The following SDK1 variants were observed in gnomAD, a reference collection of about 807,000 sequenced individuals.
SDK1 encodes protein sidekick-1.
Under a neutral mutation model 245.5 loss-of-function variants are expected in SDK1, and 157 were observed. That is an observed-to-expected ratio of 0.64 (90% CI 0.56 to 0.73). The LOEUF is 0.73. SDK1 is among the 30% of genes least tolerant of loss of function. SDK1 has a pLI of 0.00. For missense variants in SDK1, 3,583 were observed against 3,002.3 expected (o/e 1.19, Z -4.52); for synonymous variants, 1,647 against 1,278.5 (o/e 1.29, Z -6.15).
chr7:3,722,451 C>G (rs969854595), intron 4 of SDK1, among the ~76,000 whole-genome samples: 6 of 152,134 alleles, frequency 3.9e-5, no homozygotes, highest in African/African-American at 1.4e-4. Context: ...GGGAAGCTTG[C>G]AGGGCTGCGG....
intron 4 of SDK1, among the ~76,000 whole-genome samples, chr7:3,725,577 T>C (rs1778983034): frequency 6.6e-6 from 1 of 152,188 alleles, no homozygotes; most frequent in African/African-American, 2.4e-5. Context: ...CTTGCCACTC[T>C]TTGGCGCTCT....
intron 5 of SDK1, among the ~76,000 whole-genome samples, chr7:3,882,961 C>T (rs1223137501): frequency 6.6e-6 from 1 of 152,186 alleles, no homozygotes; most frequent in Non-Finnish European, 1.5e-5. Context: ...ACATTTGCCC[C>T]GTTTCCATAG....
chr7:3,678,939 A>G lies in SDK1; in HGVS notation c.713+36834A>G, dbSNP rs143935994. On this transcript the variant is annotated intron_variant, in intron 4 of 44. Coordinates refer to ENST00000404826, the MANE Select transcript of SDK1 (RefSeq NM_152744.4). ...ATCTTTAAAAAAACTTAAATGAACAACAACAACAAAATGACAAAACATACG... is the reference window on the plus strand; with the variant it reads ...ATCTTTAAAAAAACTTAAATGAACAGCAACAACAAAATGACAAAACATACG... Among the ~76,000 whole-genome samples, 609 of 152,340 alleles carry G rather than the reference A, an allele frequency of 4.0e-3. 6 individuals are homozygous for G. Among genetic ancestry groups the G allele is most frequent in the African/African-American group, 0.014 (569 of 41,570 alleles).
chr7:3,392,660 T>C (rs1781787209), intron 1 of SDK1, among the ~76,000 whole-genome samples: 1 of 152,168 alleles, frequency 6.6e-6, no homozygotes, highest in African/African-American at 2.4e-5. Flanking sequence ...CCTTTTTGTC[T>C]TTATGAATTT....
intron 1 of SDK1, among the ~76,000 whole-genome samples, chr7:3,316,600 A>G (rs540433139): frequency 3.3e-5 from 5 of 152,330 alleles, no homozygotes; most frequent in Admixed American, 2.6e-4. Flanking sequence ...GTAGGCAACA[A>G]TTGGGTAGTG....
chr7:3,858,851 G>T (rs1472754135), intron 5 of SDK1, among the ~76,000 whole-genome samples: 1 of 143,128 alleles, frequency 7.0e-6, no homozygotes, highest in Admixed American at 7.1e-5. Context: ...CTAAAACCTT[G>T]TATTTTTCTT....
chr7:3,514,273 A>G (rs972155171), intron 1 of SDK1, among the ~76,000 whole-genome samples: 1 of 152,206 alleles, frequency 6.6e-6, no homozygotes, highest in African/African-American at 2.4e-5. Context: ...TATGTTGTAC[A>G]GTCTCCTGTT....
chr7:3,332,910 C>T (rs1018605574), intron 1 of SDK1, among the ~76,000 whole-genome samples: 3 of 152,172 alleles, frequency 2.0e-5, no homozygotes, highest in Non-Finnish European at 2.9e-5. Context: ...ATTCAGCTTA[C>T]CACTTTGACA....
chr7:4,091,086 C>G (rs745311585), intron 22 of SDK1, among the ~76,000 whole-genome samples: 2 of 152,074 alleles, frequency 1.3e-5, no homozygotes, highest in Non-Finnish European at 2.9e-5. Context: ...TCACTGCTGC[C>G]CTTAAAATTT....
chr7:3,304,790 C>G (rs903289176), intron 1 of SDK1, among the ~76,000 whole-genome samples: 2 of 152,200 alleles, frequency 1.3e-5, no homozygotes, highest in African/African-American at 4.8e-5. Flanking sequence ...TGGAAACTCT[C>G]TAGCCCAGTG....
chr7:3,775,575 C>CTTT (rs557596485), intron 4 of SDK1, among the ~76,000 whole-genome samples: 1 of 138,658 alleles, frequency 7.2e-6, no homozygotes, highest in African/African-American at 2.7e-5. Flanking sequence ...CTTTTTTTTT[C>CTTT]TTTTTTTTTT....
intron 1 of SDK1, among the ~76,000 whole-genome samples, chr7:3,592,739 T>A (rs1404728039): frequency 6.6e-6 from 1 of 152,160 alleles, no homozygotes; most frequent in Admixed American, 6.5e-5. Context: ...ATGTCACCGC[T>A]TTATATAAAG....
chr7:3,975,115 G>A (rs947386118), intron 13 of SDK1, among the ~76,000 whole-genome samples: 7 of 152,064 alleles, frequency 4.6e-5, no homozygotes, highest in Non-Finnish European at 7.4e-5. Context: ...GCGGGAAACC[G>A]TCAATCTCCC....
In SDK1 at chr7:3,450,047, A is replaced by G. The variant is rs895303763; in HGVS notation, c.298+148163A>G. Among the ~76,000 whole-genome samples the G allele has an allele frequency of 3.3e-5, 5 of 152,368 alleles. No homozygotes were observed. In the East Asian group the frequency reaches 5.8e-4, roughly 18 times the overall value. The stretch of plus-strand genomic sequence containing the variant: ...AGAGGAAGAAAGGAATTAACCAGGC[A>G]TAAAGGTTGAGGGTGGTTGGAGGGA... On this transcript the variant is annotated intron_variant, in intron 1 of 44. Transcript: ENST00000404826.
At chr7:3,528,329 C>G (rs566584422) in intron 1 of SDK1, among the ~76,000 whole-genome samples, 1 of 79,794 alleles carries the variant, frequency 1.3e-5, no homozygotes, top group East Asian at 4.1e-4. Flanking sequence ...GTTGGATGAT[C>G]GTCAGCTGGG....
intron 1 of SDK1, among the ~76,000 whole-genome samples, chr7:3,394,245 C>G (rs778141299): frequency 6.6e-6 from 1 of 152,244 alleles, no homozygotes; most frequent in Middle Eastern, 3.4e-3. Flanking sequence ...CTAAGATCAT[C>G]TTTTTGCATG....
intron 44 of SDK1, among the ~76,000 whole-genome samples, chr7:4,260,583 C>T (rs113715747): frequency 3.5e-4 from 28 of 79,400 alleles, no homozygotes; most frequent in South Asian, 5.1e-4. Flanking sequence ...TGCTCCGGGG[C>T]CTCTGTGTGT....
chr7:3,556,270 C>CT (rs371527137), intron 1 of SDK1, among the ~76,000 whole-genome samples: 84 of 152,174 alleles, frequency 5.5e-4, no homozygotes, highest in African/African-American at 1.9e-3. Flanking sequence ...TGCAACAACA[C>CT]TCGTTTTGTT....
At chr7:4,052,096 C>G (rs553635514) in intron 19 of SDK1, among the ~76,000 whole-genome samples, 1 of 151,932 alleles carries the variant, frequency 6.6e-6, no homozygotes, top group Non-Finnish European at 1.5e-5. Context: ...GCTGTGTGGC[C>G]ACAGCTTTGG....
Sources: allele counts gnomAD v4.1 joint callset (sites outside exome capture counted in the v4.1 genomes callset), GRCh38; gene constraint gnomAD v4.1.1; transcripts MANE v1.5; gene names NCBI Gene and HGNC (gene_info 2026-07-23, HGNC 2026-07-21).